The following BTN3A1 variants were observed in gnomAD, a reference collection of about 807,000 sequenced individuals.
BTN3A1 encodes the protein butyrophilin subfamily 3 member A1.
In BTN3A1, 24 loss-of-function variants were observed where a neutral mutation model predicts 43.0. The observed-to-expected ratio is 0.56, with a 90% confidence interval of 0.40 to 0.78. The LOEUF (loss-of-function observed/expected upper bound fraction) is 0.78. Ranked by LOEUF, BTN3A1 falls within the 30% of genes least tolerant of loss-of-function variation. The pLI is 0.00. For missense variants in BTN3A1, 533 were observed against 626.2 expected, an observed-to-expected ratio of 0.85 and a Z score of 1.59; for synonymous variants, 181 against 234.7, an observed-to-expected ratio of 0.77 and a Z score of 2.09.
In BTN3A1 at chr6:26,407,775, A is replaced by G. The variant is rs1386701357; in HGVS notation, c.538A>G (p.Ser180Gly). The G allele has an allele frequency of 6.2e-7, 1 of 1,614,178 alleles. No homozygotes were observed. Among genetic ancestry groups the G allele is most frequent in the Non-Finnish European group, 8.5e-7 (1 of 1,180,028 alleles). Residue 180 changes from serine to glycine, a missense_variant, in exon 4 of 10, where the codon AGC (serine) becomes GGC (glycine). Physicochemically the swap from Ser to Gly is moderately conservative, Grantham distance 56. Around this residue, in one of 4 missense-constraint regions of BTN3A1, gnomAD observed 415 missense variants for 427.0 expected, o/e 0.97. Coordinates refer to ENST00000289361, the MANE Select transcript of BTN3A1 (RefSeq NM_007048.6). ...GWYPQPQIQW[S>G]NNKGENIPTV... ...GTACCCCCAACCCCAAATACAGTGG[A>G]GCAACAACAAGGGAGAGAACATCCC... is the stretch of plus-strand genomic sequence containing the variant.
In BTN3A1 at chr6:26,405,490, T is replaced by C; in HGVS notation, c.-74T>C. On this transcript the variant is annotated 5_prime_UTR_variant, in exon 2 of 10. Transcript: ENST00000289361. ...GCTCTAGGGAAGTGGAGGTTTCCAT[T>C]TGGAATTCTATAGCTTCTTCCAGGT... The C allele has an allele frequency of 6.9e-7, 1 of 1,439,544 alleles. No individual in the cohort carries two copies. Among genetic ancestry groups the C allele is most frequent in the East Asian group, 2.3e-5 (1 of 43,960 alleles). 89.2% of individuals were successfully genotyped at this position (1,439,544 alleles called of 1,614,324 possible).
intron 3 of BTN3A1, among the ~76,000 whole-genome samples, chr6:26,407,414 C>T (rs1762055098): frequency 6.6e-6 from 1 of 152,190 alleles, no homozygotes; most frequent in Non-Finnish European, 1.5e-5. Flanking sequence ...GCATAAATCT[C>T]TTCTTTTGTG....
intron 5 of BTN3A1, 52 bp from the exon 6 acceptor site, chr6:26,409,842 A>C: frequency 1.2e-6 from 2 of 1,613,756 alleles, no homozygotes; most frequent in Non-Finnish European, 8.5e-7. Flanking sequence ...TTAATTTTTT[A>C]GAAAACCCCC....
At position 26,405,611 on chromosome 6, in the gene BTN3A1, C is replaced by G. The variant is rs1761987494; in HGVS notation, c.48C>G (p.Val16=). ...FLAFLLLNFR[V]CLLLLQLLMP... Reference sequence around the variant, plus strand: ...CCTTCCTTCTGCTCAACTTTCGTGTCTGCCTCCTTTTGCTTCAGCTGCTCA... The same window carrying G: ...CCTTCCTTCTGCTCAACTTTCGTGTGTGCCTCCTTTTGCTTCAGCTGCTCA... Residue 16 remains valine, a synonymous_variant, in exon 2 of 10, where the codon GTC becomes GTG. Transcript: ENST00000289361. 6.2e-7 allele frequency: 1 copy of G among 1,614,058 alleles called. No individual in the cohort carries two copies. The highest frequency in any genetic ancestry group is 1.3e-5 in the African/African-American group (1 of 74,908).
chr6:26,405,246 G>T, intron 1 of BTN3A1, 126 bp from the exon 2 acceptor site: 1 of 416,312 alleles, frequency 2.4e-6, no homozygotes. Flanking sequence ...GAGGGGGATT[G>T]TGGTGGGTTG....
At chr6:26,408,268 T>C (rs961452436) in intron 4 of BTN3A1, among the ~76,000 whole-genome samples, 8 of 151,872 alleles carry the variant, frequency 5.3e-5, no homozygotes, top group African/African-American at 1.9e-4. Flanking sequence ...TACAAACTCA[T>C]AGAGAAAGAG....
chr6:26,405,115 A>G (rs771343975), intron 1 of BTN3A1, among the ~76,000 whole-genome samples: 4 of 152,184 alleles, frequency 2.6e-5, no homozygotes, highest in Non-Finnish European at 4.4e-5. Flanking sequence ...CCACTAGGCC[A>G]TGAGTTGACC....
chr6:26,411,085 A>G (rs755022082), intron 7 of BTN3A1, 24 bp from the exon 8 acceptor site: 1 of 1,601,692 alleles, frequency 6.2e-7, no homozygotes, highest in Non-Finnish European at 8.5e-7. Context: ...TTCAGGTGAC[A>G]TCTCTATCTT....
In BTN3A1 at chr6:26,413,686, A is replaced by T. The variant is rs201532648; in HGVS notation, c.1536A>T (p.Pro512=). The T allele has an allele frequency of 4.3e-6, 7 of 1,612,804 alleles. No homozygotes were observed. In the East Asian group the frequency reaches 1.6e-4, roughly 36 times the overall value. ...AGCCCACGGCCCTGACTATTTGTCC[A>T]GCGTGAAAAGAAGAAGAGAGTTCCT... ...TLEPTALTIC[P]A The change falls in exon 10 of 10, where the codon CCA becomes CCT. Residue 512 remains proline, a synonymous_variant. Transcript: ENST00000289361.
chr6:26,404,404 G>A (rs533431934), intron 1 of BTN3A1: 7 of 152,208 alleles, frequency 4.6e-5, no homozygotes, highest in African/African-American at 1.4e-4. Context: ...ATTAGCATGC[G>A]TCTTTTTTGA....
intron 7 of BTN3A1, 106 bp downstream of exon 7, chr6:26,410,138 C>G: frequency 3.6e-6 from 5 of 1,406,950 alleles, no homozygotes; most frequent in Middle Eastern, 1.8e-4. Context: ...GTCTTAGATC[C>G]CTTTGACTAA....
chr6:26,409,727 A>G lies in BTN3A1; in HGVS notation c.910A>G (p.Thr304Ala). The change falls in exon 5 of 10, where the codon ACA becomes GCA. Residue 304 changes from threonine to alanine, a missense_variant. This residue lies in a region of BTN3A1 where 415 missense variants were observed against 427.0 expected (regional missense o/e 0.97). Coordinates refer to ENST00000289361, the MANE Select transcript of BTN3A1 (RefSeq NM_007048.6). ...GAGCACAATGAAGCAAGAACAAAGC[A>G]CAAGAGGTAGCTGACCTTGGGAGTT... ...AWSTMKQEQS[T>A]RVKLLEELRW... The G allele has an allele frequency of 6.4e-7, 1 of 1,572,528 alleles. No homozygotes were observed. Among genetic ancestry groups the G allele is most frequent in the Non-Finnish European group, 8.6e-7 (1 of 1,163,054 alleles).
chr6:26,409,091 C>A (rs975469369), intron 4 of BTN3A1, among the ~76,000 whole-genome samples: 3 of 151,530 alleles, frequency 2.0e-5, no homozygotes, highest in Admixed American at 6.6e-5. Context: ...AGCATTGACA[C>A]CCAGGGCCTC....
rs768674856 is a variant in BTN3A1 at position 26,405,902 on chromosome 6, C to T, written c.86-7C>T. The T allele has an allele frequency of 3.0e-5, 48 of 1,613,608 alleles. No individual in the cohort carries two copies. The highest frequency in any genetic ancestry group is 3.8e-5 in the Non-Finnish European group (45 of 1,179,678). ...CCTCTGACAGATCCTCCCCCTTGTGCCTACAGCTCAGTTTTCTGTGCTTGG... is the reference window on the plus strand; with the variant it reads ...CCTCTGACAGATCCTCCCCCTTGTGTCTACAGCTCAGTTTTCTGTGCTTGG... On this transcript the variant is annotated splice_region_variant and splice_polypyrimidine_tract_variant and intron_variant, in intron 2 of 9. Coordinates refer to ENST00000289361, the MANE Select transcript of BTN3A1 (RefSeq NM_007048.6).
At chr6:26,412,249 G>C in intron 9 of BTN3A1, 1 of 586,536 alleles carries the variant, frequency 1.7e-6, no homozygotes, top group Non-Finnish European at 3.1e-6. Context: ...CTAGGGAGGG[G>C]AGGCAGTTAC....
intron 7 of BTN3A1, 84 bp from the exon 8 acceptor site, chr6:26,411,025 A>AAAAAAT: frequency 1.3e-6 from 1 of 796,992 alleles, no homozygotes; most frequent in Non-Finnish European, 2.0e-6. Flanking sequence ...AAAAAAAAAG[A>AAAAAAT]TTAGATGGAT....
chr6:26,413,723 C>A lies in BTN3A1; in HGVS notation c.*31C>A, dbSNP rs376541758. ...AGAAGAGAGTTCCTCCAATTCTGAC[C>A]GAGTGCTGATCATTCCCTAGAGACA... On this transcript the variant is annotated 3_prime_UTR_variant, in exon 10 of 10. Coordinates refer to ENST00000289361, the MANE Select transcript of BTN3A1 (RefSeq NM_007048.6). The A allele has an allele frequency of 5.8e-5, 93 of 1,609,624 alleles. 1 individual carries two copies. Among genetic ancestry groups the A allele is most frequent in the Middle Eastern group, 3.3e-4 (2 of 6,060 alleles).
At chr6:26,405,330 T>G in intron 1 of BTN3A1, 42 bp from the exon 2 acceptor site, 1 of 592,026 alleles carries the variant, frequency 1.7e-6, no homozygotes, top group South Asian at 2.1e-5. Flanking sequence ...GATTTTCTGA[T>G]CGAATAACAG....
intron 2 of BTN3A1, 51 bp from the exon 3 acceptor site, chr6:26,405,858 A>C (rs757956747): frequency 6.2e-7 from 1 of 1,613,060 alleles, no homozygotes; most frequent in Admixed American, 1.7e-5. Context: ...CCTTCCTCTC[A>C]TGACCCCAAC....
Sources: allele counts gnomAD v4.1 joint callset (sites outside exome capture counted in the v4.1 genomes callset), GRCh38; gene constraint gnomAD v4.1.1; regional missense constraint gnomAD v4.1.1; transcripts MANE v1.5; gene names NCBI Gene and HGNC (gene_info 2026-07-23, HGNC 2026-07-21).